ADCY2: variants seen among roughly 807,000 people sequenced by gnomAD.
The protein encoded by ADCY2 is adenylate cyclase type 2.
ADCY2 carries 31 observed loss-of-function variants against 125.2 expected under a neutral mutation model. The observed-to-expected ratio is 0.25, with a 90% CI of 0.19 to 0.33. The LOEUF is 0.33. ADCY2 is among the 10% of genes least tolerant of loss of function. The pLI is 1.00. For synonymous variants in ADCY2, 512 were observed against 548.4 expected, an observed-to-expected ratio of 0.93 and a Z score of 0.93; for missense variants, 904 against 1,418.2, an observed-to-expected ratio of 0.64 and a Z score of 5.82.
intron 4 of ADCY2, among the ~76,000 whole-genome samples, chr5:7,666,195 A>G (rs1739718090): frequency 6.6e-6 from 1 of 152,048 alleles, no homozygotes; most frequent in East Asian, 2.0e-4. Context: ...TCTATGAGAG[A>G]TAGGAACCAC....
At chr5:7,736,083 G>T (rs1341333726) in intron 14 of ADCY2, among the ~76,000 whole-genome samples, 3 of 152,116 alleles carry the variant, frequency 2.0e-5, no homozygotes, top group African/African-American at 7.2e-5. Flanking sequence ...GCCATACATG[G>T]CAGCACAGGC....
chr5:7,548,997 T>C (rs1038418816), intron 3 of ADCY2, among the ~76,000 whole-genome samples: 1 of 152,154 alleles, frequency 6.6e-6, no homozygotes, highest in Non-Finnish European at 1.5e-5. Context: ...GGTGGTGTTT[T>C]TGGAGGCGAG....
At chr5:7,696,506 G>A (rs1262081950) in intron 6 of ADCY2, among the ~76,000 whole-genome samples, 1 of 152,114 alleles carries the variant, frequency 6.6e-6, no homozygotes, top group Admixed American at 6.5e-5. Flanking sequence ...GTTGCTGGTG[G>A]GTGGCAATAT....
chr5:7,615,374 A>G (rs1737720474), intron 3 of ADCY2, among the ~76,000 whole-genome samples: 1 of 152,168 alleles, frequency 6.6e-6, no homozygotes, highest in Non-Finnish European at 1.5e-5. Flanking sequence ...CTGTCACTTC[A>G]TGTGACTTAT....
chr5:7,499,671 ATATATATATATG>A (rs1477910046), intron 2 of ADCY2, among the ~76,000 whole-genome samples: 1 of 123,248 alleles, frequency 8.1e-6, no homozygotes, highest in Non-Finnish European at 1.8e-5. Context: ...ATATATATAT[ATATATATATATG>A]TATATATATG....
chr5:7,824,084 G>T (rs1045999264), intron 24 of ADCY2, among the ~76,000 whole-genome samples: 1 of 152,128 alleles, frequency 6.6e-6, no homozygotes, highest in African/African-American at 2.4e-5. Flanking sequence ...ACTCCAATAA[G>T]CTCTCTTTTC....
At chr5:7,688,916 TCA>T (rs757204514) in intron 4 of ADCY2, among the ~76,000 whole-genome samples, 10 of 152,122 alleles carry the variant, frequency 6.6e-5, no homozygotes, top group Non-Finnish European at 1.3e-4. Flanking sequence ...ATTTCATGAG[TCA>T]CAGAGGCCAA....
At chr5:7,602,411 C>A (rs547609605) in intron 3 of ADCY2, among the ~76,000 whole-genome samples, 56 of 152,266 alleles carry the variant, frequency 3.7e-4, no homozygotes, top group Middle Eastern at 3.4e-3. Context: ...AGGTACACTC[C>A]AGGATGTCTT....
Position 7,709,200 on chromosome 5 carries a change from C to T in ADCY2, c.1402-11C>T, listed in dbSNP as rs1741362125. The T allele has an allele frequency of 1.9e-6, 3 of 1,592,160 alleles. No homozygotes were observed. The highest frequency in any genetic ancestry group is 2.6e-6 in the Non-Finnish European group (3 of 1,169,436). ...CTGTGCCAGGTGTGATGCTTTGTTT[C>T]TCACCCCAAGGGAGAACGACGGAGC... On this transcript the variant is annotated splice_polypyrimidine_tract_variant and intron_variant, in intron 9 of 24. Coordinates refer to ENST00000338316, the MANE Select transcript of ADCY2 (RefSeq NM_020546.3). This position sits in a 1 kb window ranked among gnomAD's most constrained non-coding sequence, Gnocchi z 4.4.
intron 3 of ADCY2, among the ~76,000 whole-genome samples, chr5:7,543,524 C>T (rs1239516878): frequency 6.6e-6 from 1 of 152,088 alleles, no homozygotes; most frequent in Admixed American, 6.5e-5. Flanking sequence ...GCTGCCAGTC[C>T]TAGGTTCCCC....
chr5:7,806,481 C>A (rs74994576), intron 22 of ADCY2, among the ~76,000 whole-genome samples: 9,096 of 152,156 alleles, frequency 0.06, 919 homozygotes, highest in African/African-American at 0.21. Flanking sequence ...ATTTATTTCT[C>A]ACAGTTCTGA....
chr5:7,725,744 A>G (rs1741910108), intron 13 of ADCY2, among the ~76,000 whole-genome samples: 1 of 152,236 alleles, frequency 6.6e-6, no homozygotes, highest in African/African-American at 2.4e-5. Flanking sequence ...ATAAGGATTT[A>G]ATTGAGTGCA....
At chr5:7,524,482 T>C (rs1327603563) in intron 3 of ADCY2, among the ~76,000 whole-genome samples, 1 of 152,166 alleles carries the variant, frequency 6.6e-6, no homozygotes, top group Non-Finnish European at 1.5e-5. Flanking sequence ...TTCCCTACAA[T>C]GTCTTTCATC....
chr5:7,752,399 AT>A (rs1742855585), intron 15 of ADCY2, among the ~76,000 whole-genome samples: 1 of 152,178 alleles, frequency 6.6e-6, no homozygotes, highest in Non-Finnish European at 1.5e-5. Flanking sequence ...TCCAAGCAAG[AT>A]TTTTAAGATG....
intron 4 of ADCY2, among the ~76,000 whole-genome samples, chr5:7,677,256 C>T (rs924001178): frequency 6.6e-6 from 1 of 151,770 alleles, no homozygotes; most frequent in Non-Finnish European, 1.5e-5. Flanking sequence ...CCAGCCTGAG[C>T]AACAAAAGAG....
intron 4 of ADCY2, among the ~76,000 whole-genome samples, chr5:7,684,381 G>A (rs574442033): frequency 6.6e-6 from 1 of 152,188 alleles, no homozygotes; most frequent in Admixed American, 6.5e-5. Flanking sequence ...TCCAAGGATT[G>A]AATATTTTTC....
intron 1 of ADCY2, among the ~76,000 whole-genome samples, chr5:7,404,119 T>A (rs1048451098): frequency 6.6e-6 from 1 of 152,328 alleles, no homozygotes; most frequent in East Asian, 1.9e-4. Flanking sequence ...TTTCTAGGAA[T>A]TTTTGCATTT....
chr5:7,665,798 A>C (rs1437083451), intron 4 of ADCY2, among the ~76,000 whole-genome samples: 1 of 53,932 alleles, frequency 1.9e-5, no homozygotes, highest in African/African-American at 7.4e-5. Flanking sequence ...TTCTGGGTCT[A>C]TTTATGTTTT....
At chr5:7,732,972 TA>T (rs1742149186) in intron 14 of ADCY2, among the ~76,000 whole-genome samples, 2 of 152,224 alleles carry the variant, frequency 1.3e-5, no homozygotes, top group African/African-American at 4.8e-5. Flanking sequence ...AGTATAACTT[TA>T]TTAGAAACAT....
Sources: allele counts gnomAD v4.1 joint callset (sites outside exome capture counted in the v4.1 genomes callset), GRCh38; gene constraint gnomAD v4.1.1; non-coding constraint Gnocchi (gnomAD v3.1); transcripts MANE v1.5; gene names NCBI Gene and HGNC (gene_info 2026-07-23, HGNC 2026-07-21).